Variants in NECAB1 observed in about 807,000 individuals in gnomAD.
NECAB1 encodes the protein N-terminal EF-hand calcium binding protein 1.
In NECAB1, 29 loss-of-function variants were observed where a neutral mutation model predicts 57.5. The ratio of observed to expected loss-of-function variants is 0.50; its 90% CI spans 0.38 to 0.69. The LOEUF is 0.69. Among genes scored for constraint, NECAB1 ranks in the 30% least tolerant of loss-of-function variants. The probability of loss-of-function intolerance (pLI) is 0.00; values close to 1 mark genes in which losing one functional copy is unlikely to be tolerated. For missense variants in NECAB1, 372 were observed against 413.8 expected (o/e 0.90, Z 0.88); for synonymous variants, 142 against 147.7 (o/e 0.96, Z 0.28).
chr8:90,897,882 C>T (rs984667796), intron 5 of NECAB1, among the ~76,000 whole-genome samples: 4 of 152,166 alleles, frequency 2.6e-5, no homozygotes, highest in African/African-American at 9.7e-5. Flanking sequence ...TCAGGACTTA[C>T]CTCCTGTAAG....
intron 6 of NECAB1, among the ~76,000 whole-genome samples, chr8:90,917,881 T>TGTGTGTGTGTGTGTGTGC (rs33942093): frequency 8.5e-6 from 1 of 117,868 alleles, no homozygotes; most frequent in African/African-American, 3.6e-5. Context: ...TGTGTGTGTG[T>TGTGTGTGTGTGTGTGTGC]GCGTGTATAT....
intron 5 of NECAB1, 85 bp from the exon 6 acceptor site, chr8:90,917,407 A>T: frequency 8.4e-7 from 1 of 1,194,416 alleles, no homozygotes; most frequent in Non-Finnish European, 1.1e-6. Flanking sequence ...TCTGGGATTG[A>T]TGGGTACATG....
intron 5 of NECAB1, among the ~76,000 whole-genome samples, chr8:90,884,503 A>G (rs1808923548): frequency 6.6e-6 from 1 of 152,218 alleles, no homozygotes; most frequent in South Asian, 2.1e-4. Context: ...AGGACTTATT[A>G]TTAAAATTTT....
intron 4 of NECAB1, among the ~76,000 whole-genome samples, chr8:90,873,555 A>G (rs1808659070): frequency 6.6e-6 from 1 of 152,242 alleles, no homozygotes; most frequent in Non-Finnish European, 1.5e-5. Context: ...TTAAGGTAGC[A>G]GACCCATTTC....
At chr8:90,869,405 G>A (rs1417491482) in intron 3 of NECAB1, among the ~76,000 whole-genome samples, 2 of 152,172 alleles carry the variant, frequency 1.3e-5, no homozygotes, top group African/African-American at 2.4e-5. Flanking sequence ...CTGTGTAACT[G>A]GAAAAGCCAC....
At chr8:90,887,151 G>A (rs1055624179) in intron 5 of NECAB1, among the ~76,000 whole-genome samples, 2 of 151,990 alleles carry the variant, frequency 1.3e-5, no homozygotes, top group Admixed American at 6.6e-5. Flanking sequence ...CTTGAACATC[G>A]AGAACCTCTG....
At chr8:90,883,723 G>GAACAA (rs542618979) in intron 5 of NECAB1, among the ~76,000 whole-genome samples, 1,521 of 152,072 alleles carry the variant, frequency 0.01, 13 homozygotes, top group Middle Eastern at 0.02. Context: ...TGTTATTCTG[G>GAACAA]AACAAAACAC....
intron 5 of NECAB1, among the ~76,000 whole-genome samples, chr8:90,893,433 C>A (rs767121532): frequency 1.2e-4 from 19 of 152,100 alleles, no homozygotes; most frequent in Admixed American, 9.2e-4. Flanking sequence ...AGGGGAGCTG[C>A]GGATGTGATG....
intron 3 of NECAB1, among the ~76,000 whole-genome samples, chr8:90,837,285 T>C (rs545930113): frequency 6.6e-6 from 1 of 152,332 alleles, no homozygotes; most frequent in African/African-American, 2.4e-5. Flanking sequence ...AGACCCACAG[T>C]GGATGCTTAA....
At chr8:90,933,666 A>G (rs958600895) in intron 8 of NECAB1, among the ~76,000 whole-genome samples, 1 of 152,146 alleles carries the variant, frequency 6.6e-6, no homozygotes, top group Non-Finnish European at 1.5e-5. Flanking sequence ...CATCTCACAA[A>G]TCACCACTCA....
intron 2 of NECAB1, among the ~76,000 whole-genome samples, chr8:90,803,775 C>T (rs540895355): frequency 6.6e-6 from 1 of 152,272 alleles, no homozygotes; most frequent in East Asian, 1.9e-4. Context: ...CCCCTGGGCA[C>T]CCTCCATCTG....
rs1274981637 is a variant in NECAB1 at position 90,841,237 on chromosome 8, G to A, written c.233+16412G>A. On this transcript the variant is annotated intron_variant, in intron 3 of 12. Transcript: ENST00000417640. The stretch of plus-strand genomic sequence containing the variant: ...ATCGCATCACTGCACTCCAGCCTAG[G>A]TGACAGAGCGAGACTCTGTCTCAAA... Among the ~76,000 whole-genome samples, 43 of 151,130 alleles carry A rather than the reference G, an allele frequency of 2.8e-4. 1 individual carries two copies. Among genetic ancestry groups the A allele is most frequent in the Non-Finnish European group, 1.5e-5 (1 of 67,934 alleles).
intron 5 of NECAB1, among the ~76,000 whole-genome samples, chr8:90,885,131 G>C (rs1259285824): frequency 6.6e-6 from 1 of 152,154 alleles, no homozygotes; most frequent in South Asian, 2.1e-4. Context: ...ATGACTTTGG[G>C]TATAATTTAA....
At chr8:90,865,317 G>A (rs559779987) in intron 3 of NECAB1, among the ~76,000 whole-genome samples, 6 of 152,246 alleles carry the variant, frequency 3.9e-5, no homozygotes, top group African/African-American at 1.2e-4. Flanking sequence ...CAGAATTAGA[G>A]AGGTTCAGAG....
At chr8:90,881,539 A>G (rs530471065) in intron 5 of NECAB1, among the ~76,000 whole-genome samples, 11 of 152,256 alleles carry the variant, frequency 7.2e-5, no homozygotes, top group Admixed American at 5.9e-4. Flanking sequence ...TGAGTGAGTT[A>G]TCATGCAATC....
At chr8:90,948,631 C>A (rs573159034) in intron 10 of NECAB1, among the ~76,000 whole-genome samples, 6 of 152,268 alleles carry the variant, frequency 3.9e-5, no homozygotes, top group South Asian at 2.1e-4. Context: ...ATATTATGAA[C>A]CATTAGGCTG....
At chr8:90,882,731 C>T (rs987609708) in intron 5 of NECAB1, among the ~76,000 whole-genome samples, 1 of 152,042 alleles carries the variant, frequency 6.6e-6, no homozygotes, top group Admixed American at 6.6e-5. Context: ...AGTAACTGTG[C>T]AATGTTTTCG....
At chr8:90,901,919 G>GTA (rs1239775498) in intron 5 of NECAB1, among the ~76,000 whole-genome samples, 1 of 152,082 alleles carries the variant, frequency 6.6e-6, no homozygotes, top group African/African-American at 2.4e-5. Context: ...GTGTGTGTGT[G>GTA]TGTTAATGTT....
intron 5 of NECAB1, among the ~76,000 whole-genome samples, chr8:90,901,858 T>A (rs759029210): frequency 6.6e-6 from 1 of 152,158 alleles, no homozygotes; most frequent in African/African-American, 2.4e-5. Flanking sequence ...ACCCTATCTA[T>A]ATTTAGTGTT....
Sources: allele counts gnomAD v4.1 joint callset (sites outside exome capture counted in the v4.1 genomes callset), GRCh38; gene constraint gnomAD v4.1.1; transcripts MANE v1.5; gene names NCBI Gene and HGNC (gene_info 2026-07-23, HGNC 2026-07-21).